Variants in DLG2 observed in about 807,000 individuals in gnomAD.
DLG2 encodes the protein discs large MAGUK scaffold protein 2, also known as disks large homolog 2.
DLG2 carries 45 observed loss-of-function variants against 132.5 expected under a neutral mutation model. The observed-to-expected ratio is 0.34, with a 90% CI of 0.27 to 0.44. The LOEUF (loss-of-function observed/expected upper bound fraction) is 0.44. Ranked by LOEUF, DLG2 falls within the 20% of genes least tolerant of loss-of-function variation. The probability of loss-of-function intolerance (pLI) is 1.00; values close to 1 mark genes in which losing one functional copy is unlikely to be tolerated. For missense variants in DLG2, 1,045 were observed against 1,196.9 expected, an observed-to-expected ratio of 0.87 and a Z score of 1.87; for synonymous variants, 424 against 419.6, an observed-to-expected ratio of 1.01 and a Z score of -0.13.
At position 85,540,174 on chromosome 11, in the gene DLG2, T is replaced by C. The variant is rs563783960; in HGVS notation, c.40+58483A>G. Among the ~76,000 whole-genome samples the C allele has an allele frequency of 4.6e-5, 7 of 152,318 alleles. No homozygotes were observed. The East Asian group carries it at 9.7e-4, about 21-fold the overall frequency. On this transcript the variant is annotated intron_variant, in intron 3 of 27. Transcript: ENST00000376104. Reference sequence around the variant, plus strand: ...AGGGTCCCTGGTGAGGGATCCACCCTTGGGCCTTTGCCCACGGACATAAGT... The same window carrying C: ...AGGGTCCCTGGTGAGGGATCCACCCCTGGGCCTTTGCCCACGGACATAAGT...
chr11:84,362,057 A>G (rs570480707), intron 7 of DLG2, among the ~76,000 whole-genome samples: 1 of 152,102 alleles, frequency 6.6e-6, no homozygotes, highest in South Asian at 2.1e-4. Context: ...TAATAATTAT[A>G]TCAAATGTAA....
chr11:85,021,015 G>T (rs2060018529), intron 6 of DLG2: 1 of 773,726 alleles, frequency 1.3e-6, no homozygotes, highest in South Asian at 1.3e-5. Context: ...CATATCTACT[G>T]CTTGTTTGTT....
intron 19 of DLG2, among the ~76,000 whole-genome samples, chr11:83,626,030 C>A (rs886195979): frequency 6.6e-6 from 1 of 152,144 alleles, no homozygotes; most frequent in East Asian, 1.9e-4. Context: ...TTCTTTATGC[C>A]AAGCACTGTG....
intron 7 of DLG2, among the ~76,000 whole-genome samples, chr11:84,391,720 T>C (rs190714561): frequency 7.9e-4 from 120 of 152,086 alleles, no homozygotes; most frequent in African/African-American, 2.8e-3. Context: ...CAAAACTAGA[T>C]GCTGATTATT....
intron 19 of DLG2, among the ~76,000 whole-genome samples, chr11:83,582,183 C>A (rs990439581): frequency 2.0e-5 from 3 of 151,754 alleles, no homozygotes; most frequent in Non-Finnish European, 4.4e-5. Flanking sequence ...CTCAAACTCC[C>A]GACCTCAGAT....
chr11:83,712,838 G>A (rs775841537), intron 18 of DLG2, among the ~76,000 whole-genome samples: 4 of 152,098 alleles, frequency 2.6e-5, no homozygotes, highest in African/African-American at 9.7e-5. Flanking sequence ...GAGAGCATCA[G>A]GAAGAATAGC....
At chr11:84,168,347 G>A (rs1246270342) in intron 8 of DLG2, among the ~76,000 whole-genome samples, 1 of 152,208 alleles carries the variant, frequency 6.6e-6, no homozygotes, top group Non-Finnish European at 1.5e-5. Flanking sequence ...TATGACAGAC[G>A]ATGTTCTAAT....
At chr11:84,469,819 T>C (rs1258772495) in intron 7 of DLG2, among the ~76,000 whole-genome samples, 1 of 151,598 alleles carries the variant, frequency 6.6e-6, no homozygotes, top group Non-Finnish European at 1.5e-5. Flanking sequence ...AAAAATCAAA[T>C]GAAATAGAGT....
At chr11:83,818,641 A>G (rs1429749667) in intron 17 of DLG2, among the ~76,000 whole-genome samples, 1 of 152,178 alleles carries the variant, frequency 6.6e-6, no homozygotes, top group East Asian at 1.9e-4. Context: ...ATGGAGTGGA[A>G]TATCTTATTT....
intron 5 of DLG2, among the ~76,000 whole-genome samples, chr11:85,144,691 G>A (rs969752313): frequency 2.0e-5 from 3 of 151,660 alleles, no homozygotes; most frequent in African/African-American, 7.3e-5. Context: ...CAATGCACAA[G>A]CAAAGAGAAA....
chr11:84,819,106 C>CACACA lies in DLG2; in HGVS notation c.358-284376_358-284375insTGTGT, dbSNP rs769677741. 6.2e-3 allele frequency among the ~76,000 whole-genome samples: 929 copies of CACACA among 150,538 alleles called. 2 individuals are homozygous for CACACA. The highest frequency in any genetic ancestry group is 8.3e-3 in the Non-Finnish European group (559 of 67,536). On this transcript the variant is annotated intron_variant, in intron 6 of 27. Transcript: ENST00000376104. ...ACACACACACACACACACACACACA[C>CACACA]AATTTCGTTTGATGCTTACAACAAT...
chr11:84,954,351 A>C (rs1426154064), intron 6 of DLG2, among the ~76,000 whole-genome samples: 1 of 60,728 alleles, frequency 1.6e-5, no homozygotes, highest in Admixed American at 1.5e-4. Flanking sequence ...CTTAAAGGAT[A>C]AAAAAAAAAA....
At chr11:83,746,396 C>T (rs1210839083) in intron 18 of DLG2, among the ~76,000 whole-genome samples, 1 of 152,140 alleles carries the variant, frequency 6.6e-6, no homozygotes, top group African/African-American at 2.4e-5. Context: ...ACTATGCAGC[C>T]ATCAAAAATG....
At chr11:83,954,621 A>G (rs997125443) in intron 14 of DLG2, among the ~76,000 whole-genome samples, 5 of 152,204 alleles carry the variant, frequency 3.3e-5, no homozygotes, top group Non-Finnish European at 7.4e-5. Context: ...TGAACTTTGT[A>G]AAGTCTGTAA....
Position 84,739,287 on chromosome 11 carries a change from C to T in DLG2, c.358-204556G>A, listed in dbSNP as rs890791330. Among the ~76,000 whole-genome samples the T allele has an allele frequency of 7.2e-5, 11 of 152,216 alleles. No individual in the cohort carries two copies. The South Asian group carries it at 1.0e-3, about 14-fold the overall frequency. On this transcript the variant is annotated intron_variant, in intron 6 of 27. Coordinates refer to ENST00000376104, the MANE Select transcript of DLG2 (RefSeq NM_001142699.3). ...TTACATTAACTTTCTAGGTAAATTA[C>T]TAAATTAAACACCAATGATAGAGTT...
intron 18 of DLG2, among the ~76,000 whole-genome samples, chr11:83,644,437 T>C (rs1245006453): frequency 6.6e-6 from 1 of 152,200 alleles, no homozygotes; most frequent in Non-Finnish European, 1.5e-5. Flanking sequence ...GAATTGTTTA[T>C]ACTCATAACT....
intron 19 of DLG2, among the ~76,000 whole-genome samples, chr11:83,561,344 T>C (rs1220254043): frequency 6.6e-6 from 1 of 152,150 alleles, no homozygotes; most frequent in Non-Finnish European, 1.5e-5. Flanking sequence ...AACCCACCCA[T>C]CCAGGACTCA....
intron 14 of DLG2, among the ~76,000 whole-genome samples, chr11:83,942,875 T>C (rs998017053): frequency 5.3e-5 from 8 of 152,256 alleles, no homozygotes; most frequent in Admixed American, 3.3e-4. Flanking sequence ...CAATGTGATA[T>C]GGTTTGGCTG....
intron 11 of DLG2, among the ~76,000 whole-genome samples, chr11:84,041,461 C>T (rs921930733): frequency 3.3e-5 from 5 of 151,890 alleles, no homozygotes; most frequent in Admixed American, 2.0e-4. Context: ...CACAGTGCAT[C>T]GTCACAATTT....
Sources: allele counts gnomAD v4.1 joint callset (sites outside exome capture counted in the v4.1 genomes callset), GRCh38; gene constraint gnomAD v4.1.1; transcripts MANE v1.5; gene names NCBI Gene and HGNC (gene_info 2026-07-23, HGNC 2026-07-21).